ZNF385D: variants seen among roughly 807,000 people sequenced by gnomAD.
ZNF385D encodes the protein zinc finger protein 659.
A neutral mutation model predicts 35.8 loss-of-function variants in ZNF385D; 15 were observed. The ratio of observed to expected loss-of-function variants is 0.42; its 90% CI spans 0.28 to 0.64. The LOEUF is 0.64. ZNF385D is among the 30% of genes least tolerant of loss of function. ZNF385D has a pLI of 0.23. For missense variants in ZNF385D, 474 were observed against 494.6 expected, an observed-to-expected ratio of 0.96 and a Z score of 0.39; for synonymous variants, 212 against 186.8, an observed-to-expected ratio of 1.13 and a Z score of -1.10.
chr3:22,259,056 T>G (rs533643513), intron 2 of ZNF385D, among the ~76,000 whole-genome samples: 22 of 152,042 alleles, frequency 1.4e-4, no homozygotes, highest in African/African-American at 5.3e-4. Context: ...CTATGTCGAT[T>G]CTGAAATCAT....
At chr3:21,848,765 G>C (rs754457459) in intron 3 of ZNF385D, among the ~76,000 whole-genome samples, 21 of 151,984 alleles carry the variant, frequency 1.4e-4, no homozygotes, top group Non-Finnish European at 2.6e-4. Context: ...ACAAAGAAAA[G>C]TCCAGGACCA....
At chr3:21,774,404 T>A (rs1328406217) in intron 3 of ZNF385D, among the ~76,000 whole-genome samples, 1 of 151,714 alleles carries the variant, frequency 6.6e-6, no homozygotes, top group East Asian at 1.9e-4. Flanking sequence ...AACATGCACA[T>A]CCTACACATG....
chr3:21,712,834 T>C (rs1459941072), intron 1 of ZNF385D, among the ~76,000 whole-genome samples: 1 of 152,258 alleles, frequency 6.6e-6, no homozygotes, highest in Non-Finnish European at 1.5e-5. Flanking sequence ...ACAAGCTTTC[T>C]GCCTTTACTG....
intron 1 of ZNF385D, among the ~76,000 whole-genome samples, chr3:21,686,937 C>A (rs1268722055): frequency 1.3e-5 from 2 of 152,148 alleles, no homozygotes; most frequent in Non-Finnish European, 2.9e-5. Flanking sequence ...TGAAAGGGAG[C>A]CTATTTTCCC....
chr3:22,244,195 T>G (rs1699642292), intron 2 of ZNF385D, among the ~76,000 whole-genome samples: 1 of 150,038 alleles, frequency 6.7e-6, no homozygotes, highest in Non-Finnish European at 1.5e-5. Context: ...TTATTAAACT[T>G]TTTCTCTAGG....
intron 2 of ZNF385D, among the ~76,000 whole-genome samples, chr3:22,226,918 G>A (rs1698591095): frequency 6.6e-6 from 1 of 152,022 alleles, no homozygotes; most frequent in Non-Finnish European, 1.5e-5. Context: ...ATATCATTGA[G>A]TTCATTCTTC....
chr3:22,191,214 G>A (rs1576471572), intron 2 of ZNF385D, among the ~76,000 whole-genome samples: 2 of 151,682 alleles, frequency 1.3e-5, no homozygotes, highest in South Asian at 4.2e-4. Context: ...TTTGCAGCCG[G>A]GCGCGGTGGC....
chr3:22,131,227 T>C (rs1191869823), intron 3 of ZNF385D, among the ~76,000 whole-genome samples: 4 of 152,136 alleles, frequency 2.6e-5, no homozygotes, highest in Non-Finnish European at 5.9e-5. Flanking sequence ...AGAGACGATG[T>C]GGTCAGGAAG....
At chr3:22,228,677 T>C (rs966429067) in intron 2 of ZNF385D, among the ~76,000 whole-genome samples, 2 of 152,122 alleles carry the variant, frequency 1.3e-5, no homozygotes, top group Non-Finnish European at 2.9e-5. Context: ...TCTGTGAGGG[T>C]GTTGTCAAAG....
At position 22,079,681 on chromosome 3, in the gene ZNF385D, T is replaced by G. The variant is rs139642416; in HGVS notation, c.325+89136A>C. ...TTGGTTTCATTGATAGCATAAGGTA[T>G]CCAAAACCAGATTAAATATGTCTTT... On this transcript the variant is annotated intron_variant, in intron 3 of 5. Transcript: ENST00000494108. Among the ~76,000 whole-genome samples the G allele has an allele frequency of 2.6e-3, 392 of 152,160 alleles. 1 individual carries two copies. Among genetic ancestry groups the G allele is most frequent in the African/African-American group, 9.1e-3 (380 of 41,554 alleles).
intron 2 of ZNF385D, among the ~76,000 whole-genome samples, chr3:22,265,975 C>A (rs951276756): frequency 6.6e-6 from 1 of 151,866 alleles, no homozygotes; most frequent in Non-Finnish European, 1.5e-5. Context: ...AATATGCTGT[C>A]TCTTCTATAC....
intron 3 of ZNF385D, among the ~76,000 whole-genome samples, chr3:21,872,924 C>T (rs1265423174): frequency 6.6e-6 from 1 of 152,224 alleles, no homozygotes; most frequent in African/African-American, 2.4e-5. Flanking sequence ...ATTTATAGTT[C>T]AATGGCTTTG....
intron 2 of ZNF385D, among the ~76,000 whole-genome samples, chr3:22,339,715 T>C (rs1352804055): frequency 6.6e-6 from 1 of 152,224 alleles, no homozygotes; most frequent in Non-Finnish European, 1.5e-5. Flanking sequence ...CTTTATGTGC[T>C]CACTCCTTAG....
intron 2 of ZNF385D, among the ~76,000 whole-genome samples, chr3:21,568,890 C>T (rs2063236500): frequency 6.6e-6 from 1 of 152,090 alleles, no homozygotes; most frequent in Admixed American, 6.6e-5. Flanking sequence ...TTTCACCTAA[C>T]CTGTGCAGCA....
intron 3 of ZNF385D, among the ~76,000 whole-genome samples, chr3:22,072,301 T>C (rs980656780): frequency 9.2e-5 from 14 of 151,852 alleles, no homozygotes; most frequent in African/African-American, 3.4e-4. Context: ...GACCTTACTT[T>C]GGCATTATAT....
At chr3:22,279,209 C>T (rs1285124674) in intron 2 of ZNF385D, among the ~76,000 whole-genome samples, 3 of 151,824 alleles carry the variant, frequency 2.0e-5, no homozygotes, top group African/African-American at 7.3e-5. Context: ...TACTCATCAC[C>T]CAAGCAATGT....
intron 3 of ZNF385D, among the ~76,000 whole-genome samples, chr3:22,022,325 G>C (rs945558058): frequency 6.6e-6 from 1 of 152,072 alleles, no homozygotes; most frequent in Non-Finnish European, 1.5e-5. Context: ...CTGAATTAAT[G>C]TATTGTACTT....
chr3:22,170,986 T>A (rs566976213), intron 2 of ZNF385D, among the ~76,000 whole-genome samples: 1 of 152,332 alleles, frequency 6.6e-6, no homozygotes, highest in South Asian at 2.1e-4. Context: ...TTTACTACCA[T>A]ATGAAGCACA....
intron 3 of ZNF385D, among the ~76,000 whole-genome samples, chr3:22,084,673 G>C (rs1340400046): frequency 6.6e-6 from 1 of 152,124 alleles, no homozygotes; most frequent in Non-Finnish European, 1.5e-5. Context: ...AGATCAATGA[G>C]ACAGAAGGTT....
Sources: allele counts gnomAD v4.1 joint callset (sites outside exome capture counted in the v4.1 genomes callset), GRCh38; gene constraint gnomAD v4.1.1; transcripts MANE v1.5; gene names NCBI Gene and HGNC (gene_info 2026-07-23, HGNC 2026-07-21).